Variants in CSMD1 observed in about 807,000 individuals in gnomAD.
CSMD1 encodes CUB and Sushi multiple domains 1.
CSMD1 carries 213 observed loss-of-function variants against 417.5 expected under a neutral mutation model. That is an observed-to-expected ratio of 0.51 (90% CI 0.46 to 0.57). CSMD1 has a LOEUF of 0.57. CSMD1 is among the 20% of genes least tolerant of loss of function. The pLI is 0.00. For synonymous variants in CSMD1, 2,862 were observed against 1,736.8 expected (o/e 1.65, Z -16.11); for missense variants, 6,923 against 4,529.7 (o/e 1.53, Z -15.17).
At chr8:4,180,369 T>G (rs1393924407) in intron 3 of CSMD1, among the ~76,000 whole-genome samples, 1 of 140,836 alleles carries the variant, frequency 7.1e-6, no homozygotes, top group Non-Finnish European at 1.5e-5. Context: ...TACATGGGAA[T>G]TGAAAAATGA....
intron 12 of CSMD1, among the ~76,000 whole-genome samples, chr8:3,463,720 G>C (rs1816645374): frequency 6.6e-6 from 1 of 152,176 alleles, no homozygotes; most frequent in Non-Finnish European, 1.5e-5. Context: ...AGACTGGGCT[G>C]GGTAACTCAT....
chr8:3,784,783 T>C (rs1316211473), intron 5 of CSMD1, among the ~76,000 whole-genome samples: 1 of 152,236 alleles, frequency 6.6e-6, no homozygotes, highest in African/African-American at 2.4e-5. Flanking sequence ...ATTCCACTCA[T>C]ATTTACATCA....
intron 5 of CSMD1, among the ~76,000 whole-genome samples, chr8:3,936,765 C>A (rs1014427933): frequency 5.9e-5 from 9 of 152,134 alleles, no homozygotes; most frequent in Non-Finnish European, 1.3e-4. Flanking sequence ...GCCCAAGAAA[C>A]ACGAAAAACT....
chr8:4,377,724 C>A (rs1328135700), intron 3 of CSMD1, among the ~76,000 whole-genome samples: 1 of 152,174 alleles, frequency 6.6e-6, no homozygotes, highest in Non-Finnish European at 1.5e-5. Context: ...ATTTAAAATA[C>A]TTCTTACTCT....
chr8:4,251,860 GGA>G (rs992195532), intron 3 of CSMD1, among the ~76,000 whole-genome samples: 4 of 149,438 alleles, frequency 2.7e-5, no homozygotes, highest in African/African-American at 7.4e-5. Flanking sequence ...GAGAGATGGA[GGA>G]GAGAGAGGGT....
At chr8:3,086,915 T>C (rs1253738153) in intron 49 of CSMD1, among the ~76,000 whole-genome samples, 182 bp downstream of exon 49, 1 of 152,226 alleles carries the variant, frequency 6.6e-6, no homozygotes, top group Non-Finnish European at 1.5e-5. Flanking sequence ...ATTCAGGCTA[T>C]ACAACTACAT....
intron 10 of CSMD1, among the ~76,000 whole-genome samples, chr8:3,544,958 C>T (rs540411015): frequency 1.3e-5 from 2 of 151,674 alleles, no homozygotes; most frequent in Admixed American, 1.3e-4. Flanking sequence ...TCTTCTTTCT[C>T]ATGTGTCAAC....
At chr8:4,162,625 T>C (rs574159049) in intron 3 of CSMD1, among the ~76,000 whole-genome samples, 1 of 152,174 alleles carries the variant, frequency 6.6e-6, no homozygotes, top group African/African-American at 2.4e-5. Flanking sequence ...ACAAAAAACA[T>C]TGAGTAGAAG....
chr8:3,158,028 T>C lies in CSMD1; in HGVS notation c.5845-62A>G. On this transcript the variant is annotated intron_variant, in intron 38 of 69. Coordinates refer to ENST00000635120, the MANE Select transcript of CSMD1 (RefSeq NM_033225.6). ...AAAAACAGAGTATTTAAGGATTAAATGTTTGAGAATATCTGCATTTTTTCC... is the reference window on the plus strand; with the variant it reads ...AAAAACAGAGTATTTAAGGATTAAACGTTTGAGAATATCTGCATTTTTTCC... The C allele has an allele frequency of 6.2e-6, 8 of 1,289,842 alleles. No homozygotes were observed. In the South Asian group the frequency reaches 8.0e-5, roughly 13 times the overall value. 79.9% of individuals were successfully genotyped at this position (1,289,842 alleles called of 1,614,324 possible).
At chr8:4,282,833 C>T (rs569170195) in intron 3 of CSMD1, among the ~76,000 whole-genome samples, 2 of 152,230 alleles carry the variant, frequency 1.3e-5, no homozygotes, top group South Asian at 2.1e-4. Context: ...CAACAAGCAT[C>T]ATTCAGAATC....
chr8:4,846,824 G>C (rs1053136186), intron 1 of CSMD1, among the ~76,000 whole-genome samples: 2 of 152,066 alleles, frequency 1.3e-5, no homozygotes, highest in East Asian at 1.9e-4. Context: ...ACTATATCTG[G>C]CATATATATG....
rs191633687 is a variant in CSMD1 at position 3,260,717 on chromosome 8, G to A, written c.4153+23427C>T. Among the ~76,000 whole-genome samples the A allele has an allele frequency of 2.6e-5, 4 of 152,166 alleles. No individual in the cohort carries two copies. In the East Asian group the frequency reaches 7.7e-4, roughly 29 times the overall value. On this transcript the variant is annotated intron_variant, in intron 26 of 69. Transcript: ENST00000635120. Reference sequence around the variant, plus strand: ...TTACACAAAACAAAATGAGAACCTCGACCTACCTCAAGAGTTAGGCAAGGG... The same window carrying A: ...TTACACAAAACAAAATGAGAACCTCAACCTACCTCAAGAGTTAGGCAAGGG...
intron 1 of CSMD1, among the ~76,000 whole-genome samples, chr8:4,978,508 A>T (rs1042997962): frequency 1.3e-5 from 2 of 152,234 alleles, no homozygotes; most frequent in Non-Finnish European, 1.5e-5. Flanking sequence ...CCTCACCTTG[A>T]AAAAGCTAAC....
At chr8:4,886,434 A>T (rs1433649097) in intron 1 of CSMD1, among the ~76,000 whole-genome samples, 1 of 152,038 alleles carries the variant, frequency 6.6e-6, no homozygotes, top group Non-Finnish European at 1.5e-5. Context: ...TTGCATCTAT[A>T]TTCATAAAAG....
chr8:4,545,029 A>G (rs1797569358), intron 2 of CSMD1, among the ~76,000 whole-genome samples: 1 of 152,242 alleles, frequency 6.6e-6, no homozygotes, highest in South Asian at 2.1e-4. Flanking sequence ...ATCTGAATGC[A>G]TGCACCCATT....
chr8:4,732,821 C>G (rs1645300992), intron 1 of CSMD1, among the ~76,000 whole-genome samples: 1 of 152,134 alleles, frequency 6.6e-6, no homozygotes, highest in Admixed American at 6.5e-5. Context: ...AGTAAATGAG[C>G]TTGGAACTTC....
At chr8:4,498,985 A>T (rs1213574014) in intron 2 of CSMD1, among the ~76,000 whole-genome samples, 1 of 152,248 alleles carries the variant, frequency 6.6e-6, no homozygotes, top group African/African-American at 2.4e-5. Context: ...TAGAATTAAA[A>T]AAAAGTAATT....
intron 18 of CSMD1, among the ~76,000 whole-genome samples, chr8:3,375,937 C>T (rs931665628): frequency 1.3e-5 from 2 of 152,188 alleles, no homozygotes; most frequent in African/African-American, 2.4e-5. Context: ...CAACCTCCAT[C>T]TTAAAGATGT....
intron 1 of CSMD1, among the ~76,000 whole-genome samples, chr8:4,729,292 G>A (rs1171415652): frequency 6.6e-6 from 1 of 152,200 alleles, no homozygotes; most frequent in Non-Finnish European, 1.5e-5. Flanking sequence ...ATTCGGAAAT[G>A]CAGTCATCGA....
Sources: allele counts gnomAD v4.1 joint callset (sites outside exome capture counted in the v4.1 genomes callset), GRCh38; gene constraint gnomAD v4.1.1; transcripts MANE v1.5; gene names NCBI Gene and HGNC (gene_info 2026-07-23, HGNC 2026-07-21).